The following CPS1 variants were observed in gnomAD, a reference collection of about 807,000 sequenced individuals.
CPS1 encodes the protein carbamoyl-phosphate synthase 1.
In CPS1, 109 loss-of-function variants were observed where a neutral mutation model predicts 174.6. That is an observed-to-expected ratio of 0.62 (90% CI 0.53 to 0.73). The LOEUF (loss-of-function observed/expected upper bound fraction) is 0.73. Ranked by LOEUF, CPS1 falls within the 30% of genes least tolerant of loss-of-function variation. The pLI is 0.00. For synonymous variants in CPS1, 637 were observed against 632.0 expected (o/e 1.01, Z -0.12); for missense variants, 1,689 against 1,821.9 (o/e 0.93, Z 1.33).
intron 26 of CPS1, 51 bp downstream of exon 26, chr2:210,648,108 C>A (rs1392245732): frequency 1.3e-6 from 2 of 1,555,218 alleles, no homozygotes; most frequent in Admixed American, 1.7e-5. Context: ...TGAAGAGCTG[C>A]AACCTGAATG....
intron 25 of CPS1, among the ~76,000 whole-genome samples, chr2:210,645,492 C>T (rs1232313780): frequency 1.3e-5 from 2 of 152,124 alleles, no homozygotes; most frequent in Non-Finnish European, 2.9e-5. Context: ...GTTGAAATTA[C>T]AATCTATAGA....
At chr2:210,621,332 A>G (rs890688675) in intron 21 of CPS1, among the ~76,000 whole-genome samples, 2 of 152,114 alleles carry the variant, frequency 1.3e-5, no homozygotes, top group African/African-American at 4.8e-5. Flanking sequence ...TTAGATGTTT[A>G]ATGGTCACCA....
intron 1 of CPS1, among the ~76,000 whole-genome samples, chr2:210,510,536 G>A (rs1162687513): frequency 2.6e-5 from 4 of 152,106 alleles, no homozygotes; most frequent in Non-Finnish European, 5.9e-5. Flanking sequence ...TGACAAATGG[G>A]AACTAATTAA....
In CPS1 at chr2:210,582,856, AC is replaced by A. The variant is rs1697972596; in HGVS notation, c.621+149del. 37 of 684,308 alleles carry A rather than the reference AC, an allele frequency of 5.4e-5. No individual in the cohort carries two copies. In the South Asian group the frequency reaches 6.3e-4, roughly 12 times the overall value. 42.4% of individuals were successfully genotyped at this position (684,308 alleles called of 1,614,324 possible). On this transcript the variant is annotated intron_variant, in intron 6 of 37. Transcript: ENST00000233072. ...AGGGATCTCATAGCAGCTAAAATAC[AC>A]CTTACAAAATCAGTGCATTTAAAGC... is the stretch of plus-strand genomic sequence containing the variant.
chr2:210,600,112 CAA>C (rs533203257), intron 14 of CPS1, among the ~76,000 whole-genome samples: 32 of 124,652 alleles, frequency 2.6e-4, no homozygotes, highest in Admixed American at 2.4e-4. Context: ...ACTTGTATGT[CAA>C]AAAAAAAAAA....
At position 210,590,143 on chromosome 2, in the gene CPS1, A is replaced by T. The variant is rs1351313755; in HGVS notation, c.749A>T (p.Asp250Val). ...GTGCACTTAGTTCCCTGGAACCATG[A>T]TTTCACCAAGATGGAGTATGATGGG... is the stretch of plus-strand genomic sequence containing the variant. ...AEVHLVPWNH[D>V]FTKMEYDGIL... is the part of the protein sequence containing the mutation. Residue 250 changes from aspartate to valine, a missense_variant, in exon 8 of 38, where the codon GAT becomes GTT. Transcript: ENST00000233072. 1 of 1,612,852 alleles carries T rather than the reference A, an allele frequency of 6.2e-7. No individual in the cohort carries two copies. The highest frequency in any genetic ancestry group is 8.5e-7 in the Non-Finnish European group (1 of 1,179,172).
chr2:210,492,419 C>A (rs1398094716), intron 1 of CPS1, among the ~76,000 whole-genome samples: 1 of 152,174 alleles, frequency 6.6e-6, no homozygotes, highest in Admixed American at 6.5e-5. Context: ...GCATTTACTA[C>A]GTTTACTATC....
rs1164414139 is a variant in CPS1 at position 210,647,946 on chromosome 2, C to T, written c.3225C>T (p.Ile1075=). 6.2e-6 allele frequency: 10 copies of T among 1,614,058 alleles called. No homozygotes were observed. Among genetic ancestry groups the T allele is most frequent in the Non-Finnish European group, 8.5e-6 (10 of 1,179,948 alleles). ...CTCTATACAAGAATGGTGTCAAGAT[C>T]ATGGGCACAAGCCCCCTGCAGATCG... ...AVPLYKNGVK[I]MGTSPLQIDR... The change falls in exon 26 of 38, where the codon ATC becomes ATT. Residue 1075 remains isoleucine (I), a synonymous_variant. Coordinates refer to ENST00000233072, the MANE Select transcript of CPS1 (RefSeq NM_001875.5).
intron 32 of CPS1, 24 bp from the exon 33 acceptor site, chr2:210,663,099 C>T (rs1320050210): frequency 6.7e-7 from 1 of 1,503,136 alleles, no homozygotes; most frequent in Non-Finnish European, 8.9e-7. Context: ...TAATTTTTCT[C>T]CCTGTTTTTT....
chr2:210,496,416 C>T (rs577789890), intron 1 of CPS1, among the ~76,000 whole-genome samples: 34 of 152,096 alleles, frequency 2.2e-4, no homozygotes, highest in Non-Finnish European at 4.6e-4. Context: ...ATTTCCTTTT[C>T]TTCTAGACAC....
intron 18 of CPS1, among the ~76,000 whole-genome samples, chr2:210,607,172 C>G (rs1038774162): frequency 2.6e-5 from 4 of 151,914 alleles, no homozygotes; most frequent in Admixed American, 2.6e-4. Flanking sequence ...CTAAACGAAT[C>G]AAAATCTAGG....
chr2:210,514,230 G>A (rs1028266137), intron 1 of CPS1, among the ~76,000 whole-genome samples: 6 of 152,060 alleles, frequency 3.9e-5, no homozygotes, highest in Non-Finnish European at 2.9e-5. Flanking sequence ...AATGACATTG[G>A]TTGTTTGATA....
At chr2:210,588,970 A>G (rs1028923708) in intron 7 of CPS1, among the ~76,000 whole-genome samples, 4 of 152,040 alleles carry the variant, frequency 2.6e-5, no homozygotes, top group South Asian at 2.1e-4. Context: ...CCATCTTCCA[A>G]TTGCAAATAT....
intron 21 of CPS1, among the ~76,000 whole-genome samples, chr2:210,633,574 TG>T (rs1385079361): frequency 6.6e-6 from 1 of 152,224 alleles, no homozygotes; most frequent in African/African-American, 2.4e-5. Context: ...ACTGCATTGC[TG>T]AATGTAGACG....
intron 19 of CPS1, among the ~76,000 whole-genome samples, chr2:210,610,551 T>A (rs1559105243): frequency 1.3e-5 from 2 of 151,932 alleles, no homozygotes; most frequent in African/African-American, 4.8e-5. Flanking sequence ...ATAGATGCTA[T>A]GAGAATATAG....
chr2:210,507,137 G>T (rs1476859651), intron 1 of CPS1, among the ~76,000 whole-genome samples: 1 of 152,178 alleles, frequency 6.6e-6, no homozygotes, highest in Non-Finnish European at 1.5e-5. Flanking sequence ...GAAAGGTCGG[G>T]TTACCCATAA....
At chr2:210,583,121 G>T (rs1260743239) in intron 6 of CPS1, among the ~76,000 whole-genome samples, 1 of 152,052 alleles carries the variant, frequency 6.6e-6, no homozygotes, top group Non-Finnish European at 1.5e-5. Flanking sequence ...GAATCTGGGG[G>T]CATTTTGTGC....
In CPS1 at chr2:210,654,115, T is replaced by C. The variant is rs368646633; in HGVS notation, c.3558+13T>C. The C allele has an allele frequency of 1.9e-6, 3 of 1,609,426 alleles. No homozygotes were observed. The highest frequency in any genetic ancestry group is 2.6e-6 in the Non-Finnish European group (3 of 1,175,714). ...CAAAGATGGAAGGGTAAGTGCTTTA[T>C]TCTCATCTCCTTCATTCCTGCCTTC... On this transcript the variant is annotated intron_variant, in intron 29 of 37. Coordinates refer to ENST00000233072, the MANE Select transcript of CPS1 (RefSeq NM_001875.5).
chr2:210,587,608 T>C (rs1698150719), intron 6 of CPS1, among the ~76,000 whole-genome samples: 2 of 152,076 alleles, frequency 1.3e-5, no homozygotes, highest in South Asian at 2.1e-4. Flanking sequence ...AAGCCTTATG[T>C]ACAGTAATTC....
Sources: gnomAD v4.1 joint callset for allele counts (sites outside exome capture counted in the v4.1 genomes callset) on GRCh38, gnomAD v4.1.1 for gene constraint, MANE v1.5 for transcripts, NCBI Gene and HGNC (gene_info 2026-07-23, HGNC 2026-07-21) for gene names.